Variants in CSMD3 observed in about 807,000 individuals in gnomAD.
CSMD3 encodes CUB and sushi domain-containing protein 3.
CSMD3 carries 177 observed loss-of-function variants against 435.2 expected under a neutral mutation model. That is an observed-to-expected ratio of 0.41 (90% CI 0.36 to 0.46). The LOEUF is 0.46. Ranked by LOEUF, CSMD3 falls within the 20% of genes least tolerant of loss-of-function variation. The probability of loss-of-function intolerance (pLI) is 0.34; values close to 1 mark genes in which losing one functional copy is unlikely to be tolerated. For synonymous variants in CSMD3, 1,656 were observed against 1,520.5 expected (o/e 1.09, Z -2.07); for missense variants, 4,265 against 4,504.6 (o/e 0.95, Z 1.52).
chr8:113,116,587 A>T (rs1422506301), intron 4 of CSMD3, among the ~76,000 whole-genome samples: 1 of 152,154 alleles, frequency 6.6e-6, no homozygotes, highest in Non-Finnish European at 1.5e-5. Context: ...GAAAATGTGA[A>T]AGCAACTTTG....
At chr8:112,415,343 T>C (rs1811792882) in intron 32 of CSMD3, among the ~76,000 whole-genome samples, 1 of 152,202 alleles carries the variant, frequency 6.6e-6, no homozygotes. Context: ...CTTGGCAGCT[T>C]TCACACGGTG....
intron 10 of CSMD3, among the ~76,000 whole-genome samples, chr8:112,878,269 C>T (rs547810718): frequency 6.6e-6 from 1 of 152,244 alleles, no homozygotes; most frequent in African/African-American, 2.4e-5. Context: ...TATGAACAGA[C>T]ACTTCTCAAA....
At position 112,736,037 on chromosome 8, in the gene CSMD3, T is replaced by C. The variant is rs142516004; in HGVS notation, c.1973-45987A>G. ...AGAGCTGTGTCCAAGTCCTCTTCTG[T>C]TTAAATTATACTTTAGGAGCCTAGT... On this transcript the variant is annotated intron_variant, in intron 13 of 70. Transcript: ENST00000297405. Among the ~76,000 whole-genome samples the C allele has an allele frequency of 5.0e-3, 757 of 152,176 alleles. 4 individuals carry two copies. Among genetic ancestry groups the C allele is most frequent in the African/African-American group, 0.017 (713 of 41,560 alleles).
intron 5 of CSMD3, among the ~76,000 whole-genome samples, chr8:113,092,243 T>C (rs935549118): frequency 1.3e-5 from 2 of 152,084 alleles, no homozygotes; most frequent in African/African-American, 4.8e-5. Flanking sequence ...CACAGGCAGA[T>C]TATCAAAGGA....
intron 24 of CSMD3, among the ~76,000 whole-genome samples, chr8:112,559,812 G>A (rs542004868): frequency 2.0e-5 from 3 of 151,708 alleles, no homozygotes; most frequent in Non-Finnish European, 4.4e-5. Flanking sequence ...TAGGGTAAAT[G>A]ATGTAATAAA....
rs57982384 is a variant in CSMD3, at chr8:112,829,885, GCACACACACACACACACACACACA to G, written c.1756-120_1756-97del. ...ACAGAAATGCATTCTTTGTCTCTCTGCACACACACACACACACACACACACACACACACACACACACAAGCAGTT... is the reference window on the plus strand; with the variant it reads ...ACAGAAATGCATTCTTTGTCTCTCTGCACACACACACACACACAAGCAGTT... On this transcript the variant is annotated intron_variant, in intron 11 of 70. Transcript: ENST00000297405. 9.2e-5 allele frequency: 55 copies of G among 600,208 alleles called. No individual in the cohort carries two copies. In the East Asian group the frequency reaches 1.0e-3, roughly 11 times the overall value. 37.2% of individuals were successfully genotyped at this position (600,208 alleles called of 1,614,324 possible). A position where few individuals can be genotyped will look rare whatever the true frequency, so the allele number is the denominator to read the frequency against.
At chr8:112,675,044 C>A (rs1386340639) in intron 16 of CSMD3, among the ~76,000 whole-genome samples, 2 of 152,014 alleles carry the variant, frequency 1.3e-5, no homozygotes, top group Non-Finnish European at 2.9e-5. Flanking sequence ...TCAGCTAGAA[C>A]CCACTTAAGC....
Position 112,286,401 on chromosome 8 carries a change from G to A in CSMD3, c.9331+663C>T, listed in dbSNP as rs547429473. Among the ~76,000 whole-genome samples the A allele has an allele frequency of 1.1e-4, 17 of 152,026 alleles. No individual in the cohort carries two copies. In the South Asian group the frequency reaches 1.5e-3, roughly 13 times the overall value. ...GAGTAGCATGATGAAATATCATGTC[G>A]TCCCACATGGAAAGTGAATCATCCC... On this transcript the variant is annotated intron_variant, in intron 58 of 70. Coordinates refer to ENST00000297405, the MANE Select transcript of CSMD3 (RefSeq NM_198123.2).
chr8:113,432,183 C>G (rs992572535), intron 1 of CSMD3, among the ~76,000 whole-genome samples: 1 of 152,086 alleles, frequency 6.6e-6, no homozygotes, highest in African/African-American at 2.4e-5. Context: ...TACGGTGCTG[C>G]AAAAGGACAT....
intron 3 of CSMD3, among the ~76,000 whole-genome samples, chr8:113,189,604 T>C (rs1310646575): frequency 1.3e-5 from 2 of 151,878 alleles, no homozygotes; most frequent in African/African-American, 4.8e-5. Flanking sequence ...CCATTGATTA[T>C]TAATAATATG....
At chr8:113,077,956 G>T (rs1421581523) in intron 5 of CSMD3, among the ~76,000 whole-genome samples, 1 of 152,108 alleles carries the variant, frequency 6.6e-6, no homozygotes, top group Non-Finnish European at 1.5e-5. Context: ...TTAAATTTTA[G>T]AAATTAAATG....
rs555935414 is a variant in CSMD3 at position 113,040,459 on chromosome 8, C to T, written c.918-21280G>A. ...TTAGGGCAGGGACAGGTGGAAGTTA[C>T]TTGAATAACCAAGTGATAGTTGCTG... is the stretch of plus-strand genomic sequence containing the variant. On this transcript the variant is annotated intron_variant, in intron 5 of 70. Transcript: ENST00000297405. 1.4e-4 allele frequency among the ~76,000 whole-genome samples: 21 copies of T among 152,236 alleles called. No individual in the cohort carries two copies. The South Asian group carries it at 4.1e-3, about 30-fold the overall frequency.
At chr8:113,139,083 G>A (rs2091486155) in intron 4 of CSMD3, among the ~76,000 whole-genome samples, 1 of 150,004 alleles carries the variant, frequency 6.7e-6, no homozygotes, top group African/African-American at 2.4e-5. Flanking sequence ...TGAGTGAGTT[G>A]GAAAACAAAC....
chr8:113,215,428 T>C (rs965906888), intron 3 of CSMD3, among the ~76,000 whole-genome samples: 3 of 151,898 alleles, frequency 2.0e-5, no homozygotes, highest in South Asian at 2.1e-4. Flanking sequence ...TGGTGGACCA[T>C]TGGTTGTTAA....
intron 32 of CSMD3, among the ~76,000 whole-genome samples, chr8:112,466,453 T>C (rs984171414): frequency 1.3e-5 from 2 of 152,156 alleles, no homozygotes; most frequent in Admixed American, 6.5e-5. Context: ...GTCAAATATA[T>C]GTGTGAATTT....
At chr8:112,427,492 C>T (rs1417775971) in intron 32 of CSMD3, among the ~76,000 whole-genome samples, 1 of 152,116 alleles carries the variant, frequency 6.6e-6, no homozygotes, top group Non-Finnish European at 1.5e-5. Context: ...GTTTGCTTCC[C>T]CTTCTGCCAT....
At chr8:113,376,392 G>A (rs1200464399) in intron 1 of CSMD3, among the ~76,000 whole-genome samples, 2 of 151,948 alleles carry the variant, frequency 1.3e-5, no homozygotes, top group Admixed American at 1.3e-4. Flanking sequence ...TGTTTGTTTA[G>A]TAATTCATAT....
chr8:113,234,523 C>T (rs1385686615), intron 3 of CSMD3, among the ~76,000 whole-genome samples: 1 of 152,116 alleles, frequency 6.6e-6, no homozygotes, highest in African/African-American at 2.4e-5. Flanking sequence ...TTAATTCAAG[C>T]AGAGCAAGAT....
chr8:112,408,039 G>A (rs969190188), intron 34 of CSMD3, among the ~76,000 whole-genome samples: 3 of 151,968 alleles, frequency 2.0e-5, no homozygotes, highest in Admixed American at 2.0e-4. Flanking sequence ...AATAGAAAAT[G>A]TAGATAGTAA....
Sources: gnomAD v4.1 joint callset for allele counts (sites outside exome capture counted in the v4.1 genomes callset) on GRCh38, gnomAD v4.1.1 for gene constraint, MANE v1.5 for transcripts, NCBI Gene and HGNC (gene_info 2026-07-23, HGNC 2026-07-21) for gene names.